Variants in CACNA1C observed in about 807,000 individuals in gnomAD.
CACNA1C encodes the protein voltage-dependent L-type calcium channel subunit alpha-1C.
Under a neutral mutation model 229.0 loss-of-function variants are expected in CACNA1C, and 30 were observed. The ratio of observed to expected loss-of-function variants is 0.13; its 90% CI spans 0.10 to 0.18. CACNA1C has a LOEUF of 0.18. CACNA1C is among the 10% of genes least tolerant of loss of function. The probability of loss-of-function intolerance (pLI) is 1.00; values close to 1 mark genes in which losing one functional copy is unlikely to be tolerated. For synonymous variants in CACNA1C, 1,114 were observed against 1,132.5 expected (o/e 0.98, Z 0.33); for missense variants, 1,658 against 2,845.0 (o/e 0.58, Z 9.49).
At chr12:2,177,316 G>T (rs1303584891) in intron 3 of CACNA1C, among the ~76,000 whole-genome samples, 2 of 152,110 alleles carry the variant, frequency 1.3e-5, no homozygotes, top group Non-Finnish European at 2.9e-5. Context: ...AGTGAAAGTA[G>T]CCAGAGAGAC....
At chr12:2,661,274 C>CACAT in intron 34 of CACNA1C, among the ~76,000 whole-genome samples, 1 of 139,762 alleles carries the variant, frequency 7.2e-6, no homozygotes, top group East Asian at 2.2e-4. Context: ...AACACATACA[C>CACAT]ACACATACAC....
chr12:2,373,471 G>T (rs941577332), intron 3 of CACNA1C, among the ~76,000 whole-genome samples: 1 of 152,086 alleles, frequency 6.6e-6, no homozygotes, highest in African/African-American at 2.4e-5. Context: ...ACTGAGGCCC[G>T]ACTGCCCTGA....
intron 15 of CACNA1C, among the ~76,000 whole-genome samples, chr12:2,583,560 T>C (rs1249225395): frequency 6.6e-6 from 1 of 151,898 alleles, no homozygotes; most frequent in African/African-American, 2.4e-5. Context: ...AGGGGTAACA[T>C]AGGAACAGCT....
At chr12:2,553,191 G>C (rs1287264749) in intron 10 of CACNA1C, among the ~76,000 whole-genome samples, 1 of 152,150 alleles carries the variant, frequency 6.6e-6, no homozygotes, top group Non-Finnish European at 1.5e-5. Flanking sequence ...TCGTCCTCTG[G>C]GAAAAAGAAG....
chr12:2,169,763 G>A lies in CACNA1C; in HGVS notation c.477+49333G>A, dbSNP rs116739999. Among the ~76,000 whole-genome samples, 1,272 of 152,300 alleles carry A rather than the reference G, an allele frequency of 8.4e-3. 19 individuals carry two copies. The highest frequency in any genetic ancestry group is 0.029 in the African/African-American group (1,210 of 41,570). ...GGGCATTGTGAGGCCTTTTCTGAGTGTGTCTCCTGCCTCCTTGACTCCGGG... is the reference window on the plus strand; with the variant it reads ...GGGCATTGTGAGGCCTTTTCTGAGTATGTCTCCTGCCTCCTTGACTCCGGG... On this transcript the variant is annotated intron_variant, in intron 3 of 46. Transcript: ENST00000399655.
chr12:2,203,227 G>A (rs1402120428), intron 3 of CACNA1C, among the ~76,000 whole-genome samples: 2 of 152,164 alleles, frequency 1.3e-5, no homozygotes, highest in African/African-American at 2.4e-5. Flanking sequence ...AGGATGGGAT[G>A]TCCGCCTGCG....
At chr12:2,326,945 C>T (rs1401463300) in intron 3 of CACNA1C, among the ~76,000 whole-genome samples, 4 of 152,222 alleles carry the variant, frequency 2.6e-5, no homozygotes, top group Non-Finnish European at 4.4e-5. Context: ...GGTGAACATT[C>T]TCTCTATAGT....
intron 1 of CACNA1C, among the ~76,000 whole-genome samples, chr12:2,011,875 G>A (rs1429922166): frequency 5.9e-5 from 9 of 152,154 alleles, no homozygotes; most frequent in African/African-American, 7.2e-5. Flanking sequence ...ATGGGCTCTC[G>A]CTGTAGATTG....
chr12:2,610,785 C>G, intron 28 of CACNA1C, 86 bp downstream of exon 28: 1 of 1,340,184 alleles, frequency 7.5e-7, no homozygotes, highest in African/African-American at 1.4e-5. Context: ...GCAGGCAGCT[C>G]AGTGCATCGC....
In CACNA1C at chr12:2,577,961, C is replaced by A. The variant is rs61210624; in HGVS notation, c.1896-3629C>A. 2.6e-5 allele frequency among the ~76,000 whole-genome samples: 4 copies of A among 151,514 alleles called. No homozygotes were observed. In the East Asian group the frequency reaches 7.8e-4, roughly 29 times the overall value. Reference sequence around the variant, plus strand: ...TCGGCTCACTGCAAGCTCCGCCTCCCGGGTTCACGCCATTCTCCTGCCTCA... The same window carrying A: ...TCGGCTCACTGCAAGCTCCGCCTCCAGGGTTCACGCCATTCTCCTGCCTCA... On this transcript the variant is annotated intron_variant, in intron 13 of 46. Transcript: ENST00000399655.
At chr12:2,438,216 TGGTGGTGGTTGTG>T (rs2099165702) in intron 3 of CACNA1C, among the ~76,000 whole-genome samples, 1 of 146,650 alleles carries the variant, frequency 6.8e-6, no homozygotes, top group South Asian at 2.2e-4. Context: ...ATGGTGGTGG[TGGTGGTGGTTGTG>T]ATGGTGGGGA....
intron 6 of CACNA1C, among the ~76,000 whole-genome samples, chr12:2,491,756 T>C (rs1396685660): frequency 6.6e-6 from 1 of 152,212 alleles, no homozygotes; most frequent in African/African-American, 2.4e-5. Context: ...TACTTAAGGA[T>C]TAATATTTCT....
At chr12:2,459,823 C>T (rs2099487314) in intron 5 of CACNA1C, among the ~76,000 whole-genome samples, 2 of 152,166 alleles carry the variant, frequency 1.3e-5, no homozygotes, top group Non-Finnish European at 2.9e-5. Context: ...GCGAAATGGA[C>T]ACAATGACCC....
intron 29 of CACNA1C, among the ~76,000 whole-genome samples, chr12:2,617,225 G>A (rs2081103713): frequency 6.6e-6 from 1 of 152,202 alleles, no homozygotes; most frequent in South Asian, 2.1e-4. Context: ...GTCAGGACTA[G>A]TCGGTAGCCT....
intron 3 of CACNA1C, among the ~76,000 whole-genome samples, chr12:2,299,210 T>C (rs1407276908): frequency 2.0e-5 from 3 of 152,216 alleles, no homozygotes; most frequent in Non-Finnish European, 4.4e-5. Context: ...AATATAATGA[T>C]ATGGGGTGCC....
At chr12:2,095,349 A>G (rs1481512442) in intron 1 of CACNA1C, among the ~76,000 whole-genome samples, 2 of 152,266 alleles carry the variant, frequency 1.3e-5, no homozygotes, top group East Asian at 3.8e-4. Context: ...ATAGGGGGAC[A>G]GAGTCACAGA....
At chr12:2,050,283 C>T (rs1190988509), upstream of CACNA1C, among the ~76,000 whole-genome samples, 2 of 152,212 alleles carry the variant, frequency 1.3e-5, no homozygotes, top group Non-Finnish European at 2.9e-5. Context: ...CCAGGCTCCA[C>T]ATTTACTCAG....
chr12:2,013,715 C>G (rs1218167660), intron 1 of CACNA1C, among the ~76,000 whole-genome samples: 2 of 152,202 alleles, frequency 1.3e-5, no homozygotes, highest in Non-Finnish European at 2.9e-5. Flanking sequence ...AAGGCAGCAT[C>G]TGTAGGTTCT....
intron 1 of CACNA1C, among the ~76,000 whole-genome samples, chr12:2,092,803 A>G (rs2071840930): frequency 6.6e-6 from 1 of 152,262 alleles, no homozygotes; most frequent in Admixed American, 6.5e-5. Context: ...AAGTTAACTT[A>G]GCAAAGATCA....
Sources: gnomAD v4.1 joint callset for allele counts (sites outside exome capture counted in the v4.1 genomes callset) on GRCh38, gnomAD v4.1.1 for gene constraint, MANE v1.5 for transcripts, NCBI Gene and HGNC (gene_info 2026-07-23, HGNC 2026-07-21) for gene names.